PAMR1: variants seen among roughly 807,000 people sequenced by gnomAD.
PAMR1 encodes the protein peptidase domain containing associated with muscle regeneration 1.
PAMR1 carries 88 observed loss-of-function variants against 81.8 expected under a neutral mutation model. The ratio of observed to expected loss-of-function variants is 1.08; its 90% CI spans 0.91 to 1.28. PAMR1 has a LOEUF of 1.28. Among genes scored for constraint, PAMR1 ranks in the 50% most tolerant of loss-of-function variants. The probability of loss-of-function intolerance (pLI) is 0.00; values close to 1 mark genes in which losing one functional copy is unlikely to be tolerated. For synonymous variants in PAMR1, 336 were observed against 345.3 expected (o/e 0.97, Z 0.30); for missense variants, 935 against 919.7 (o/e 1.02, Z -0.21).
upstream of PAMR1, among the ~76,000 whole-genome samples, chr11:35,526,387 A>T (rs1381819446): frequency 6.6e-6 from 1 of 152,234 alleles, no homozygotes; most frequent in Non-Finnish European, 1.5e-5. Context: ...CGAAGAACAC[A>T]CAAGAACCCT....
chr11:35,467,995 A>C lies in PAMR1; in HGVS notation c.820+6T>G, dbSNP rs776857541. The C allele has an allele frequency of 5.2e-6, 8 of 1,533,476 alleles. 1 individual carries two copies. The Middle Eastern group carries it at 1.2e-3, about 225-fold the overall frequency. 95.0% of individuals were successfully genotyped at this position (1,533,476 alleles called of 1,614,324 possible). A position where few individuals can be genotyped will look rare whatever the true frequency, so the allele number is the denominator to read the frequency against. On this transcript the variant is annotated splice_donor_region_variant and intron_variant, in intron 6 of 10. Transcript: ENST00000619888. ...ACCTTAACTCCCACTTAGGAAGCAT[A>C]CTCACGATTTTCACAGCGCTGCCCA...
intron 1 of PAMR1, among the ~76,000 whole-genome samples, chr11:35,503,469 T>C (rs1829662151): frequency 6.6e-6 from 1 of 152,154 alleles, no homozygotes; most frequent in African/African-American, 2.4e-5. Flanking sequence ...TTGAGTAGTA[T>C]TGTCATTTTA....
intron 1 of PAMR1, among the ~76,000 whole-genome samples, chr11:35,523,080 C>G (rs1851311953): frequency 6.6e-6 from 1 of 152,114 alleles, no homozygotes; most frequent in African/African-American, 2.4e-5. Context: ...AGGGGAACAC[C>G]CTCTTCATGA....
intron 6 of PAMR1, among the ~76,000 whole-genome samples, chr11:35,448,580 G>C (rs1353071034): frequency 6.6e-6 from 1 of 152,142 alleles, no homozygotes; most frequent in Admixed American, 6.5e-5. Flanking sequence ...CATTGGGTTA[G>C]AACTTACTCC....
At chr11:35,515,482 C>G (rs1262703393) in intron 1 of PAMR1, among the ~76,000 whole-genome samples, 1 of 152,342 alleles carries the variant, frequency 6.6e-6, no homozygotes, top group Admixed American at 6.5e-5. Context: ...TTACCTCCCC[C>G]AGCTCTGCAA....
intron 1 of PAMR1, among the ~76,000 whole-genome samples, chr11:35,512,923 C>T (rs1178349584): frequency 6.6e-6 from 1 of 152,000 alleles, no homozygotes; most frequent in Admixed American, 6.6e-5. Flanking sequence ...CCTGGGAGGT[C>T]GAGGCTGCAG....
chr11:35,439,045 A>G (rs1856107944), intron 8 of PAMR1, among the ~76,000 whole-genome samples: 1 of 152,142 alleles, frequency 6.6e-6, no homozygotes, highest in Admixed American at 6.5e-5. Flanking sequence ...GAGTGGAGAG[A>G]GTGAGGAAGA....
chr11:35,479,222 G>C (rs1387745905), intron 3 of PAMR1, among the ~76,000 whole-genome samples: 1 of 152,148 alleles, frequency 6.6e-6, no homozygotes, highest in Non-Finnish European at 1.5e-5. Flanking sequence ...AATTCAGAGA[G>C]AGGCATTTGC....
intron 3 of PAMR1, among the ~76,000 whole-genome samples, chr11:35,478,641 G>T (rs1328129417): frequency 6.6e-6 from 1 of 152,154 alleles, no homozygotes; most frequent in Non-Finnish European, 1.5e-5. Context: ...GGGTGCAGGG[G>T]CAGCCTGACT....
In PAMR1 at chr11:35,432,283, A is replaced by G. The variant is rs1053843292; in HGVS notation, c.*73T>C. The G allele has an allele frequency of 5.7e-6, 8 of 1,411,164 alleles. No individual in the cohort carries two copies. In the East Asian group the frequency reaches 1.8e-4, roughly 32 times the overall value. The allele number at this position is 1,411,164 out of a possible 1,614,324, so 87.4% of individuals were successfully genotyped here. ...ACAGGCCAAATCACACTTCAGGCCC[A>G]CACTGCTTCACGCAATGACACACGT... On this transcript the variant is annotated 3_prime_UTR_variant, in exon 11 of 11. Transcript: ENST00000619888.
chr11:35,473,651 T>C (rs1041032856), intron 4 of PAMR1, among the ~76,000 whole-genome samples: 2 of 152,054 alleles, frequency 1.3e-5, no homozygotes, highest in Non-Finnish European at 2.9e-5. Context: ...AGGGGACTTG[T>C]TTTGCTGGAT....
At chr11:35,445,584 A>G (rs1011070160) in intron 6 of PAMR1, among the ~76,000 whole-genome samples, 8 of 130,236 alleles carry the variant, frequency 6.1e-5, no homozygotes, top group African/African-American at 2.5e-4. Flanking sequence ...TTCTGTGTCT[A>G]TTTAATCATG....
intron 1 of PAMR1, among the ~76,000 whole-genome samples, chr11:35,505,338 G>A (rs1850930732): frequency 6.6e-6 from 1 of 152,000 alleles, no homozygotes; most frequent in Non-Finnish European, 1.5e-5. Context: ...AAATCTACTG[G>A]GTAAATGTCA....
chr11:35,485,009 T>C (rs1341128423), intron 3 of PAMR1, among the ~76,000 whole-genome samples: 1 of 152,188 alleles, frequency 6.6e-6, no homozygotes, highest in East Asian at 1.9e-4. Flanking sequence ...GCACCTCTAA[T>C]AGCCAGCACC....
At chr11:35,507,978 T>C (rs867028405) in intron 1 of PAMR1, among the ~76,000 whole-genome samples, 1 of 152,168 alleles carries the variant, frequency 6.6e-6, no homozygotes, top group Non-Finnish European at 1.5e-5. Context: ...CCTGGGGAAC[T>C]TGTGGATGTA....
chr11:35,471,401 A>G (rs182387269), intron 4 of PAMR1, among the ~76,000 whole-genome samples: 3 of 152,322 alleles, frequency 2.0e-5, no homozygotes, highest in Non-Finnish European at 2.9e-5. Context: ...GAGATGCTAC[A>G]GATATTGCCA....
At chr11:35,488,063 T>C (rs780396668) in intron 3 of PAMR1, among the ~76,000 whole-genome samples, 1 of 152,326 alleles carries the variant, frequency 6.6e-6, no homozygotes, top group Non-Finnish European at 1.5e-5. Flanking sequence ...CTTGATCTCA[T>C]AGGAAGTTCT....
intron 1 of PAMR1, among the ~76,000 whole-genome samples, chr11:35,506,146 G>A (rs1850947804): frequency 6.7e-6 from 1 of 148,372 alleles, no homozygotes; most frequent in Non-Finnish European, 1.5e-5. Flanking sequence ...AAAGAAAACA[G>A]CTTTTAAAAA....
chr11:35,494,611 G>A (rs2135402352), intron 1 of PAMR1, among the ~76,000 whole-genome samples: 1 of 152,134 alleles, frequency 6.6e-6, no homozygotes, highest in East Asian at 1.9e-4. Context: ...GGGATTCCAG[G>A]CGTGAGCCAC....
Sources: allele counts gnomAD v4.1 joint callset (sites outside exome capture counted in the v4.1 genomes callset), GRCh38; gene constraint gnomAD v4.1.1; transcripts MANE v1.5; gene names NCBI Gene and HGNC (gene_info 2026-07-23, HGNC 2026-07-21).